ZNF678: variants seen among roughly 807,000 people sequenced by gnomAD.
ZNF678 encodes the protein zinc finger protein 678.
ZNF678 carries 5 observed loss-of-function variants against 3.0 expected under a neutral mutation model. The observed-to-expected ratio is 1.69, with a 90% CI of 0.88 to 3.56. The LOEUF (loss-of-function observed/expected upper bound fraction) is 3.56. Ranked by LOEUF, ZNF678 falls within the 30% of genes most tolerant of loss-of-function variation. ZNF678 has a pLI of 0.00. For synonymous variants in ZNF678, 218 were observed against 199.6 expected, an observed-to-expected ratio of 1.09 and a Z score of -0.78; for missense variants, 593 against 605.0, an observed-to-expected ratio of 0.98 and a Z score of 0.21.
intron 1 of ZNF678, among the ~76,000 whole-genome samples, chr1:227,623,350 C>A (rs1389280996): frequency 1.3e-5 from 2 of 152,316 alleles, no homozygotes; most frequent in East Asian, 3.9e-4. Flanking sequence ...TTGGGCAAGT[C>A]CCTGATTTTT....
At position 227,658,313 on chromosome 1, in the gene ZNF678, AGGTTTCCTGGGGGT is replaced by A. The variant is rs1659303024; in HGVS notation, c.*2486_*2499del. ...AGGTGAACAAACACAGGAAAGTGCT[AGGTTTCCTGGGGGT>A]ATAATAGATGCTCTATAATTAGCAG... On this transcript the variant is annotated 3_prime_UTR_variant, in exon 4 of 4. Coordinates refer to ENST00000343776, the MANE Select transcript of ZNF678 (RefSeq NM_001367909.1). 7.2e-5 allele frequency: 11 copies of A among 152,068 alleles called. No individual in the cohort carries two copies. Among genetic ancestry groups the A allele is most frequent in the Admixed American group, 7.2e-4 (11 of 15,254 alleles). The allele number at this position is 152,068 out of a possible 1,614,324, so 9.4% of individuals were successfully genotyped here. A position where few individuals can be genotyped will look rare whatever the true frequency, so the allele number is the denominator to read the frequency against.
intron 1 of ZNF678, among the ~76,000 whole-genome samples, chr1:227,574,240 A>G (rs918393147): frequency 2.6e-5 from 4 of 152,200 alleles, no homozygotes; most frequent in Non-Finnish European, 5.9e-5. Context: ...TCTTTGAGGA[A>G]GCACCACACT....
chr1:227,569,320 C>T (rs765143076), intron 1 of ZNF678, among the ~76,000 whole-genome samples: 1 of 152,130 alleles, frequency 6.6e-6, no homozygotes, highest in Non-Finnish European at 1.5e-5. Flanking sequence ...TTTTCTTCTG[C>T]TTCTTGAAAT....
intron 1 of ZNF678, among the ~76,000 whole-genome samples, chr1:227,622,601 T>G (rs74581894): frequency 0.024 from 3,629 of 152,318 alleles, 142 homozygotes; most frequent in African/African-American, 0.083. Context: ...TCATAATTAC[T>G]TATGGTAGTG....
intron 1 of ZNF678, among the ~76,000 whole-genome samples, chr1:227,631,797 A>G (rs1252683243): frequency 1.3e-5 from 2 of 152,200 alleles, no homozygotes; most frequent in African/African-American, 4.8e-5. Context: ...TTGTCCTTCC[A>G]GTGGTATTGA....
Position 227,660,259 on chromosome 1 carries a change from GTTTT to G in ZNF678, c.*4436_*4439del, listed in dbSNP as rs888587327. ...TTTACTGTACTATATGAATTTTTGT[GTTTT>G]TTTTGTGAAAAATTTTATTGATATT... On this transcript the variant is annotated 3_prime_UTR_variant, in exon 4 of 4. Coordinates refer to ENST00000343776, the MANE Select transcript of ZNF678 (RefSeq NM_001367909.1). 2.0e-5 allele frequency: 3 copies of G among 149,128 alleles called. No homozygotes were observed. Among genetic ancestry groups the G allele is most frequent in the Non-Finnish European group, 4.4e-5 (3 of 67,500 alleles). 9.2% of individuals were successfully genotyped at this position (149,128 alleles called of 1,614,324 possible). A position where few individuals can be genotyped will look rare whatever the true frequency, so the allele number is the denominator to read the frequency against.
At chr1:227,568,216 T>TA (rs1656746514) in intron 1 of ZNF678, among the ~76,000 whole-genome samples, 1 of 152,174 alleles carries the variant, frequency 6.6e-6, no homozygotes, top group Non-Finnish European at 1.5e-5. Context: ...TAGATGACCC[T>TA]ACTGCTCAGG....
intron 5 of ZNF678, among the ~76,000 whole-genome samples, chr1:227,675,716 G>C (rs1659668154): frequency 6.6e-6 from 1 of 151,934 alleles, no homozygotes. Flanking sequence ...CCATATCCTG[G>C]GGGGGTGGGG....
At chr1:227,633,465 C>T (rs1490040441) in intron 1 of ZNF678, among the ~76,000 whole-genome samples, 5 of 152,322 alleles carry the variant, frequency 3.3e-5, no homozygotes, top group South Asian at 2.1e-4. Context: ...AGCTGAGTTA[C>T]AAGCCCCGTG....
chr1:227,673,562 A>G (rs1012825144), intron 5 of ZNF678, among the ~76,000 whole-genome samples: 3 of 152,222 alleles, frequency 2.0e-5, no homozygotes, highest in Admixed American at 6.5e-5. Context: ...CAAACACTAA[A>G]TAAATTTTAC....
intron 1 of ZNF678, among the ~76,000 whole-genome samples, chr1:227,582,026 A>G (rs1657140680): frequency 6.6e-6 from 1 of 152,150 alleles, no homozygotes; most frequent in Non-Finnish European, 1.5e-5. Context: ...ATGTCATTTT[A>G]TATGTTTAAT....
chr1:227,663,806 A>C (rs1009164978), downstream of ZNF678, among the ~76,000 whole-genome samples: 4 of 152,220 alleles, frequency 2.6e-5, no homozygotes, highest in Non-Finnish European at 4.4e-5. Context: ...GCCCTAGGAC[A>C]GATCCCAGGG....
intron 1 of ZNF678, among the ~76,000 whole-genome samples, chr1:227,589,023 G>A (rs187922081): frequency 5.3e-5 from 8 of 151,188 alleles, no homozygotes; most frequent in Non-Finnish European, 8.8e-5. Context: ...TACATTCCTT[G>A]TAGACTCTGA....
chr1:227,609,831 T>G (rs1199362526), intron 1 of ZNF678, among the ~76,000 whole-genome samples: 1 of 151,998 alleles, frequency 6.6e-6, no homozygotes, highest in African/African-American at 2.4e-5. Context: ...CCTCCCAGGT[T>G]CAAGCGATTT....
chr1:227,634,679 T>G (rs977349999), intron 1 of ZNF678, among the ~76,000 whole-genome samples: 2 of 152,164 alleles, frequency 1.3e-5, no homozygotes, highest in Non-Finnish European at 2.9e-5. Context: ...TTTGTTTGAG[T>G]ACCACCTCAG....
chr1:227,607,437 C>CTT (rs1209673923), intron 1 of ZNF678, among the ~76,000 whole-genome samples: 1 of 152,038 alleles, frequency 6.6e-6, no homozygotes, highest in Non-Finnish European at 1.5e-5. Flanking sequence ...TGTCATTTGA[C>CTT]TTTAAGTTTT....
intron 1 of ZNF678, among the ~76,000 whole-genome samples, chr1:227,597,563 T>C (rs1657626383): frequency 6.6e-6 from 1 of 152,166 alleles, no homozygotes; most frequent in Non-Finnish European, 1.5e-5. Context: ...CAAAATTAAT[T>C]CAAATGACAT....
downstream of ZNF678, among the ~76,000 whole-genome samples, chr1:227,665,708 T>C (rs190208100): frequency 2.4e-4 from 36 of 152,374 alleles, no homozygotes; most frequent in Middle Eastern, 0.01. Flanking sequence ...CCTGAGCATA[T>C]TTTGTGTATG....
chr1:227,632,419 A>C (rs1374154745), intron 1 of ZNF678, among the ~76,000 whole-genome samples: 1 of 152,064 alleles, frequency 6.6e-6, no homozygotes, highest in Non-Finnish European at 1.5e-5. Context: ...GGTCAAAAGG[A>C]GAGGTAGGGG....
Sources: gnomAD v4.1 joint callset for allele counts (sites outside exome capture counted in the v4.1 genomes callset) on GRCh38, gnomAD v4.1.1 for gene constraint, MANE v1.5 for transcripts, NCBI Gene and HGNC (gene_info 2026-07-23, HGNC 2026-07-21) for gene names.